The following EIF4H variants were observed in gnomAD, a reference collection of about 807,000 sequenced individuals.
The protein encoded by EIF4H is Williams-Beuren syndrome chromosome region 1.
In EIF4H, 8 loss-of-function variants were observed where a neutral mutation model predicts 30.6. That is an observed-to-expected ratio of 0.26 (90% CI 0.15 to 0.47). EIF4H has a LOEUF of 0.47. Among genes scored for constraint, EIF4H ranks in the 20% least tolerant of loss-of-function variants. The pLI, the probability that EIF4H is intolerant of heterozygous loss-of-function variation, is 0.99. For synonymous variants in EIF4H, 106 were observed against 122.7 expected (o/e 0.86, Z 0.90); for missense variants, 188 against 339.5 (o/e 0.55, Z 3.51).
chr7:74,176,032 A>G (rs1328802892), intron 1 of EIF4H, among the ~76,000 whole-genome samples: 1 of 152,170 alleles, frequency 6.6e-6, no homozygotes, highest in Non-Finnish European at 1.5e-5. Context: ...CCAAAAACTG[A>G]TAGGAGAGTT....
At chr7:74,187,192 G>C (rs1336577425) in intron 1 of EIF4H, among the ~76,000 whole-genome samples, 2 of 152,154 alleles carry the variant, frequency 1.3e-5, no homozygotes, top group Admixed American at 6.5e-5. Flanking sequence ...CACTTTGGGA[G>C]GGTGAGGCAG....
chr7:74,191,695 T>C (rs1801216973), intron 5 of EIF4H, among the ~76,000 whole-genome samples: 1 of 152,154 alleles, frequency 6.6e-6, no homozygotes, highest in Non-Finnish European at 1.5e-5. Flanking sequence ...TCATCAGAAA[T>C]AGCCAGTGTT....
In EIF4H at chr7:74,182,063, C is replaced by CT. The variant is rs1382161338; in HGVS notation, c.60-5540dup. 9.2e-5 allele frequency among the ~76,000 whole-genome samples: 14 copies of CT among 152,112 alleles called. 1 individual carries two copies. The South Asian group carries it at 1.0e-3, about 11-fold the overall frequency. ...GTATGTTTCTAACAGATAAGGGCTT[C>CT]TTTTTTTTCTTTAACCAACAGTTTT... is the stretch of plus-strand genomic sequence containing the variant. On this transcript the variant is annotated intron_variant, in intron 1 of 6. Coordinates refer to ENST00000265753, the MANE Select transcript of EIF4H (RefSeq NM_022170.2).
chr7:74,194,897 G>A lies in EIF4H; in HGVS notation c.607+19G>A. The A allele has an allele frequency of 6.3e-7, 1 of 1,576,356 alleles. No homozygotes were observed. The highest frequency in any genetic ancestry group is 8.7e-7 in the Non-Finnish European group (1 of 1,153,156). On this transcript the variant is annotated intron_variant, in intron 6 of 6. Coordinates refer to ENST00000265753, the MANE Select transcript of EIF4H (RefSeq NM_022170.2). ...ACAGAAGGTACGGGCTCATGTGTCA[G>A]TGGAGGGCATCTTGTCCTGATGGGA... is the stretch of plus-strand genomic sequence containing the variant.
At chr7:74,194,626 A>G in intron 5 of EIF4H, 115 bp from the exon 6 acceptor site, 2 of 1,390,822 alleles carry the variant, frequency 1.4e-6, no homozygotes, top group Non-Finnish European at 1.9e-6. Context: ...GACTTCAGAT[A>G]GTGGACAAAC....
chr7:74,187,279 A>T (rs987471915), intron 1 of EIF4H, among the ~76,000 whole-genome samples: 1 of 152,042 alleles, frequency 6.6e-6, no homozygotes, highest in African/African-American at 2.4e-5. Flanking sequence ...AAAATGCACA[A>T]ATTAGCCAGG....
intron 6 of EIF4H, 94 bp downstream of exon 6, chr7:74,194,972 C>CA: frequency 1.3e-6 from 2 of 1,514,306 alleles, no homozygotes; most frequent in Non-Finnish European, 1.8e-6. Flanking sequence ...CTACGGCACA[C>CA]AGAGTTGTCG....
intron 5 of EIF4H, among the ~76,000 whole-genome samples, chr7:74,194,540 T>G (rs1395734096): frequency 6.6e-6 from 1 of 152,230 alleles, no homozygotes; most frequent in African/African-American, 2.4e-5. Context: ...CCTTTTTCTT[T>G]GGGAAGTCTG....
At position 74,195,403 on chromosome 7, in the gene EIF4H, G is replaced by A. The variant is rs1157106019; in HGVS notation, c.*95G>A. The A allele has an allele frequency of 6.7e-5, 94 of 1,399,960 alleles. 1 individual carries two copies. In the African/African-American group the frequency reaches 1.1e-3, roughly 17 times the overall value. The allele number at this position is 1,399,960 out of a possible 1,614,324, so 86.7% of individuals were successfully genotyped here. On this transcript the variant is annotated 3_prime_UTR_variant, in exon 7 of 7. Transcript: ENST00000265753. ...GCCGTCCTGCAGCCGCCACTCCTGC[G>A]CCTGCCATTGGCCTCCTCACAGCGG...
intron 1 of EIF4H, among the ~76,000 whole-genome samples, chr7:74,176,912 C>T (rs1355641140): frequency 6.6e-6 from 1 of 152,204 alleles, no homozygotes; most frequent in Non-Finnish European, 1.5e-5. Context: ...AGTTTCTCAT[C>T]TACCATTGGC....
chr7:74,181,223 C>T (rs1800953443), intron 1 of EIF4H, among the ~76,000 whole-genome samples: 1 of 152,136 alleles, frequency 6.6e-6, no homozygotes. Flanking sequence ...CATCTATCTT[C>T]CCTACTTTTG....
intron 1 of EIF4H, among the ~76,000 whole-genome samples, 181 bp from the exon 2 acceptor site, chr7:74,187,430 C>T (rs1801110040): frequency 6.6e-6 from 1 of 151,940 alleles, no homozygotes. Context: ...CAGTCTGTCT[C>T]AAAAAATTTT....
At chr7:74,182,483 G>A (rs537486677) in intron 1 of EIF4H, among the ~76,000 whole-genome samples, 13 of 152,312 alleles carry the variant, frequency 8.5e-5, no homozygotes, top group Middle Eastern at 3.4e-3. Context: ...GAGCCATGGC[G>A]TCCGGCCAGT....
chr7:74,185,361 A>G (rs1173112247), intron 1 of EIF4H, among the ~76,000 whole-genome samples: 1 of 152,200 alleles, frequency 6.6e-6, no homozygotes, highest in Non-Finnish European at 1.5e-5. Context: ...TTTAGGATTT[A>G]TGATTTCGGA....
At position 74,189,914 on chromosome 7, in the gene EIF4H, C is replaced by T; in HGVS notation, c.405C>T (p.Asp135=). Residue 135 remains aspartate (D), a synonymous_variant, in exon 4 of 7, where the codon GAC becomes GAT. Transcript: ENST00000265753. ...GATTCAGAAAAGGTGGACCAGATGA[C>T]AGAGGTGATTGGTTCTTCTAAAGCT... ...GFGFRKGGPD[D]RGMGSSRESR... is the part of the protein sequence containing the mutation. The T allele has an allele frequency of 6.2e-7, 1 of 1,614,126 alleles. No individual in the cohort carries two copies. Among genetic ancestry groups the T allele is most frequent in the African/African-American group, 1.3e-5 (1 of 75,052 alleles).
chr7:74,181,419 T>G (rs987810954), intron 1 of EIF4H, among the ~76,000 whole-genome samples: 1 of 152,144 alleles, frequency 6.6e-6, no homozygotes, highest in Non-Finnish European at 1.5e-5. Flanking sequence ...TTTCTTTGTT[T>G]TTTTTGTTTT....
At position 74,178,485 on chromosome 7, in the gene EIF4H, A is replaced by C. The variant is rs1268736938; in HGVS notation, c.59+4043A>C. ...CTTGAACCAGGGAGGCGGAGGTTGCATTGAGCTGAGATCATGCCACTGCAC... is the reference window on the plus strand; with the variant it reads ...CTTGAACCAGGGAGGCGGAGGTTGCCTTGAGCTGAGATCATGCCACTGCAC... On this transcript the variant is annotated intron_variant, in intron 1 of 6. Coordinates refer to ENST00000265753, the MANE Select transcript of EIF4H (RefSeq NM_022170.2). Among the ~76,000 whole-genome samples the C allele has an allele frequency of 3.3e-5, 5 of 151,854 alleles. No homozygotes were observed. The East Asian group carries it at 9.7e-4, about 30-fold the overall frequency.
rs576721495 is a variant in EIF4H, at chr7:74,177,539, TCTA to T, written c.59+3100_59+3102del. Among the ~76,000 whole-genome samples, 724 of 152,260 alleles carry T rather than the reference TCTA, an allele frequency of 4.8e-3. 6 individuals are homozygous for T. Among genetic ancestry groups the T allele is most frequent in the Non-Finnish European group, 6.1e-3 (415 of 68,020 alleles). The stretch of plus-strand genomic sequence containing the variant: ...CCCCCAGGTCCCTGGCAACCACCAT[TCTA>T]CTTCCTGTCTCTGAGCATATTTTAA... On this transcript the variant is annotated intron_variant, in intron 1 of 6. Transcript: ENST00000265753.
At chr7:74,182,089 T>C (rs1554708483) in intron 1 of EIF4H, among the ~76,000 whole-genome samples, 1 of 152,200 alleles carries the variant, frequency 6.6e-6, no homozygotes, top group Non-Finnish European at 1.5e-5. Context: ...CAACAGTTTT[T>C]CCAGTACCCA....
Sources: allele counts gnomAD v4.1 joint callset (sites outside exome capture counted in the v4.1 genomes callset), GRCh38; gene constraint gnomAD v4.1.1; transcripts MANE v1.5; gene names NCBI Gene and HGNC (gene_info 2026-07-23, HGNC 2026-07-21).